Variants in BTBD8 observed in about 807,000 individuals in gnomAD.
BTBD8 encodes BTB/POZ domain-containing protein 8.
Under a neutral mutation model 162.9 loss-of-function variants are expected in BTBD8, and 110 were observed. The ratio of observed to expected loss-of-function variants is 0.68; its 90% confidence interval spans 0.58 to 0.79. The LOEUF (loss-of-function observed/expected upper bound fraction) is 0.79, where lower values mean the gene tolerates loss of function less well. Among genes scored for constraint, BTBD8 ranks in the 30% least tolerant of loss-of-function variants. BTBD8 has a pLI of 0.00. For synonymous variants in BTBD8, 667 were observed against 716.1 expected (o/e 0.93, Z 1.10); for missense variants, 1,905 against 2,085.4 (o/e 0.91, Z 1.68).
At chr1:92,121,240 G>A (rs1649202180) in intron 4 of BTBD8, among the ~76,000 whole-genome samples, 1 of 152,084 alleles carries the variant, frequency 6.6e-6, no homozygotes, top group African/African-American at 2.4e-5. Context: ...TTTCGGTTTG[G>A]TTGTGATGTT....
intron 9 of BTBD8, among the ~76,000 whole-genome samples, chr1:92,150,165 T>A (rs537405183): frequency 6.6e-6 from 1 of 152,332 alleles, no homozygotes; most frequent in South Asian, 2.1e-4. Context: ...ATAGCAAAAC[T>A]AATTTTACTA....
chr1:92,110,293 G>T (rs896102438), intron 4 of BTBD8, among the ~76,000 whole-genome samples: 3 of 152,162 alleles, frequency 2.0e-5, no homozygotes, highest in African/African-American at 7.2e-5. Flanking sequence ...TTAATTCCAT[G>T]TCCACCATTA....
At position 92,088,855 on chromosome 1, in the gene BTBD8, G is replaced by C. The variant is rs775652130; in HGVS notation, c.307G>C (p.Val103Leu). The C allele has an allele frequency of 6.2e-7, 1 of 1,612,572 alleles. No individual in the cohort carries two copies. The highest frequency in any genetic ancestry group is 8.5e-7 in the Non-Finnish European group (1 of 1,179,194). The change falls in exon 2 of 18, where the codon GTG becomes CTG. Residue 103 changes from valine to leucine, a missense_variant. By Grantham distance (32) the Val-to-Leu change is conservative. This residue lies in a region of BTBD8 where 1,374 missense variants were observed against 1,442.7 expected (regional missense o/e 0.95). Coordinates refer to ENST00000636805, the MANE Select transcript of BTBD8 (RefSeq NM_001376131.1). ...TTTAACAAATCAGGAGCCTATTGCTGTGGAGAATGTTGAAGCTTTAGAATT... is the reference window on the plus strand; with the variant it reads ...TTTAACAAATCAGGAGCCTATTGCTCTGGAGAATGTTGAAGCTTTAGAATT... The part of the protein sequence containing the change: ...NSLTNQEPIA[V>L]ENVEALEFRT...
intron 2 of BTBD8, among the ~76,000 whole-genome samples, chr1:92,091,032 G>A (rs1418328826): frequency 3.3e-5 from 5 of 152,186 alleles, no homozygotes; most frequent in African/African-American, 4.8e-5. Flanking sequence ...CTAATCTAGG[G>A]TTTTGAAGAT....
At chr1:92,109,876 T>G (rs192884901) in intron 4 of BTBD8, among the ~76,000 whole-genome samples, 1 of 152,364 alleles carries the variant, frequency 6.6e-6, no homozygotes, top group Non-Finnish European at 1.5e-5. Flanking sequence ...ATGGCTACTT[T>G]AATTTTTTAA....
rs745316979 is a variant in BTBD8, at chr1:92,080,687, C to T, written c.116C>T (p.Thr39Met). 14 of 1,612,282 alleles carry T rather than the reference C, an allele frequency of 8.7e-6. No individual in the cohort carries two copies. The highest frequency in any genetic ancestry group is 4.5e-5 in the East Asian group (2 of 44,806). Reference sequence around the variant, plus strand: ...TGTGAGCGGCGCCGGCTGAAGGCGACGGTGTCGGAGCAGCTCAGCCAGGAT... The same window carrying T: ...TGTGAGCGGCGCCGGCTGAAGGCGATGGTGTCGGAGCAGCTCAGCCAGGAT... Reference protein sequence around the residue: ...GPCERRRLKATVSEQLSQDLL... With the variant: ...GPCERRRLKAMVSEQLSQDLL... The change falls in exon 1 of 18, where the codon ACG (threonine) becomes ATG (methionine). Residue 39 changes from threonine (T) to methionine (M), a missense_variant. Transcript: ENST00000636805.
chr1:92,082,352 A>G (rs1340414740), intron 1 of BTBD8, among the ~76,000 whole-genome samples: 1 of 152,242 alleles, frequency 6.6e-6, no homozygotes, highest in Non-Finnish European at 1.5e-5. Context: ...CTGACCACGT[A>G]CCTAGCCCGG....
chr1:92,137,208 ATAAT>A (rs1365015761), intron 5 of BTBD8, among the ~76,000 whole-genome samples: 4 of 152,170 alleles, frequency 2.6e-5, no homozygotes. Flanking sequence ...GCTTTGGAGA[ATAAT>A]TAAGAGTTTT....
chr1:92,132,922 A>G (rs922092855), intron 5 of BTBD8, among the ~76,000 whole-genome samples: 1 of 152,192 alleles, frequency 6.6e-6, no homozygotes, highest in Non-Finnish European at 1.5e-5. Flanking sequence ...GCATGGTTTC[A>G]TCTATACCCT....
intron 9 of BTBD8, among the ~76,000 whole-genome samples, chr1:92,159,308 G>A (rs1650233724): frequency 6.6e-6 from 1 of 151,950 alleles, no homozygotes; most frequent in African/African-American, 2.4e-5. Flanking sequence ...CCAAGTAGCT[G>A]GGACTGCAGG....
chr1:92,175,811 A>G (rs1354258260), intron 13 of BTBD8, among the ~76,000 whole-genome samples: 1 of 151,982 alleles, frequency 6.6e-6, no homozygotes, highest in Non-Finnish European at 1.5e-5. Flanking sequence ...GAAAGAAAAA[A>G]GAAAGAAAAA....
chr1:92,117,897 T>C (rs1372690613), intron 4 of BTBD8, among the ~76,000 whole-genome samples: 1 of 152,044 alleles, frequency 6.6e-6, no homozygotes, highest in Admixed American at 6.5e-5. Context: ...ACTGCCTTTT[T>C]CCATGGTCAT....
intron 10 of BTBD8, 150 bp from the exon 11 acceptor site, chr1:92,167,698 G>T (rs1570754091): frequency 3.6e-6 from 2 of 554,450 alleles, no homozygotes. Flanking sequence ...GCGTGCATAT[G>T]CATATATGCG....
At chr1:92,163,016 A>G (rs1020376107) in intron 9 of BTBD8, among the ~76,000 whole-genome samples, 6 of 152,146 alleles carry the variant, frequency 3.9e-5, no homozygotes, top group African/African-American at 1.4e-4. Flanking sequence ...ATATATATAT[A>G]TACACTGGTA....
Position 92,180,944 on chromosome 1 carries a change from C to T in BTBD8, c.3261C>T (p.Thr1087=). 1 of 1,551,486 alleles carries T rather than the reference C, an allele frequency of 6.4e-7. No homozygotes were observed. The highest frequency in any genetic ancestry group is 8.7e-7 in the Non-Finnish European group (1 of 1,146,854). ...SDNVNSKFYS[T]TALKYMVSNP... Reference sequence around the variant, plus strand: ...ATGTAAATTCAAAATTTTATAGCACCACAGCCCTAAAATACATGGTTTCAA... The same window carrying T: ...ATGTAAATTCAAAATTTTATAGCACTACAGCCCTAAAATACATGGTTTCAA... Residue 1087 remains threonine (T), a synonymous_variant, in exon 17 of 18, where the codon ACC becomes ACT. Coordinates refer to ENST00000636805, the MANE Select transcript of BTBD8 (RefSeq NM_001376131.1).
chr1:92,115,347 G>A, intron 4 of BTBD8: 1 of 453,210 alleles, frequency 2.2e-6, no homozygotes, highest in Non-Finnish European at 4.3e-6. Context: ...TAAGCAGTTG[G>A]TGGTACAGGA....
chr1:92,087,492 C>T (rs911134516), intron 1 of BTBD8, among the ~76,000 whole-genome samples: 3 of 152,128 alleles, frequency 2.0e-5, no homozygotes, highest in Non-Finnish European at 4.4e-5. Flanking sequence ...GTTCTGAAAG[C>T]TTTTATGCTC....
chr1:92,159,411 A>T (rs1650236436), intron 9 of BTBD8, among the ~76,000 whole-genome samples: 1 of 152,064 alleles, frequency 6.6e-6, no homozygotes, highest in South Asian at 2.1e-4. Flanking sequence ...TCCTGAGCTC[A>T]AGTGATCTTC....
chr1:92,096,830 G>A (rs554773409), intron 2 of BTBD8, among the ~76,000 whole-genome samples: 4 of 152,204 alleles, frequency 2.6e-5, no homozygotes, highest in Non-Finnish European at 4.4e-5. Context: ...GAGCCATAGC[G>A]TGTGGCCAAT....
Sources: gnomAD v4.1 joint callset for allele counts (sites outside exome capture counted in the v4.1 genomes callset) on GRCh38, gnomAD v4.1.1 for gene constraint, gnomAD v4.1.1 regional missense constraint, MANE v1.5 for transcripts, NCBI Gene and HGNC (gene_info 2026-07-23, HGNC 2026-07-21) for gene names.